Variants in NUMB observed in about 807,000 individuals in gnomAD.
NUMB encodes the protein protein numb homolog.
Under a neutral mutation model 59.7 loss-of-function variants are expected in NUMB, and 29 were observed. That is an observed-to-expected ratio of 0.49 (90% CI 0.36 to 0.66). NUMB has a LOEUF of 0.66. Ranked by LOEUF, NUMB falls within the 30% of genes least tolerant of loss-of-function variation. The pLI, the probability that NUMB is intolerant of heterozygous loss-of-function variation, is 0.00. For synonymous variants in NUMB, 288 were observed against 288.2 expected, an observed-to-expected ratio of 1.00 and a Z score of 0.01; for missense variants, 723 against 822.0, an observed-to-expected ratio of 0.88 and a Z score of 1.47.
At chr14:73,300,545 G>A (rs1358257503) in intron 6 of NUMB, among the ~76,000 whole-genome samples, 1 of 152,072 alleles carries the variant, frequency 6.6e-6, no homozygotes, top group East Asian at 1.9e-4. Context: ...TTTGAATTCT[G>A]GTTCTGCAAG....
intron 5 of NUMB, among the ~76,000 whole-genome samples, chr14:73,316,782 T>A (rs1891106723): frequency 6.6e-6 from 1 of 152,218 alleles, no homozygotes; most frequent in Admixed American, 6.5e-5. Context: ...AGATTTGCAT[T>A]TTAAATTTTA....
At chr14:73,362,744 T>C (rs1239630906) in intron 3 of NUMB, among the ~76,000 whole-genome samples, 1 of 152,164 alleles carries the variant, frequency 6.6e-6, no homozygotes, top group East Asian at 1.9e-4. Flanking sequence ...CCTATCACTC[T>C]ATTATAAATA....
chr14:73,349,606 G>A (rs1893099379), intron 4 of NUMB, among the ~76,000 whole-genome samples: 3 of 145,278 alleles, frequency 2.1e-5, no homozygotes, highest in Non-Finnish European at 4.5e-5. Flanking sequence ...GTGGCCAGGC[G>A]CGGTGGCTCA....
intron 8 of NUMB, among the ~76,000 whole-genome samples, chr14:73,289,822 T>C (rs548098018): frequency 1.4e-3 from 211 of 152,328 alleles, no homozygotes; most frequent in Middle Eastern, 3.4e-3. Flanking sequence ...TAGAATGTGT[T>C]TGCATTTGAA....
intron 3 of NUMB, among the ~76,000 whole-genome samples, chr14:73,365,271 C>A (rs540543252): frequency 6.6e-6 from 1 of 152,222 alleles, no homozygotes; most frequent in African/African-American, 2.4e-5. Flanking sequence ...GAACTCCTGG[C>A]CTCAAGTGAT....
chr14:73,286,110 G>C (rs1437878533), intron 9 of NUMB: 1 of 148,634 alleles, frequency 6.7e-6, no homozygotes, highest in Admixed American at 6.8e-5. Context: ...CTGTAACCTT[G>C]TACTCCTGGG....
intron 5 of NUMB, among the ~76,000 whole-genome samples, chr14:73,322,187 A>G (rs1359029409): frequency 1.3e-5 from 2 of 152,246 alleles, no homozygotes; most frequent in African/African-American, 4.8e-5. Flanking sequence ...AAGCTTTCAC[A>G]GCAAAGTGGG....
chr14:73,446,021 G>A (rs1883476677), intron 1 of NUMB, among the ~76,000 whole-genome samples: 2 of 149,282 alleles, frequency 1.3e-5, no homozygotes, highest in East Asian at 3.9e-4. Context: ...TTTTGAGATG[G>A]AGTCCTGCTC....
At chr14:73,439,008 C>T (rs943065890) in intron 1 of NUMB, among the ~76,000 whole-genome samples, 9 of 152,168 alleles carry the variant, frequency 5.9e-5, no homozygotes, top group African/African-American at 1.7e-4. Flanking sequence ...AAGTCCTTCA[C>T]GGTATCTTAA....
At chr14:73,281,164 G>A (rs556427238) in intron 11 of NUMB, among the ~76,000 whole-genome samples, 147 of 152,144 alleles carry the variant, frequency 9.7e-4, no homozygotes, top group Admixed American at 2.2e-3. Flanking sequence ...TCAGCAGAAT[G>A]TAACGGGTAC....
intron 1 of NUMB, among the ~76,000 whole-genome samples, chr14:73,442,950 C>T (rs1330872608): frequency 6.6e-6 from 1 of 152,124 alleles, no homozygotes; most frequent in Non-Finnish European, 1.5e-5. Context: ...GCAACCTCTA[C>T]CTCCTCGGCT....
chr14:73,372,663 A>G (rs1894768771), intron 2 of NUMB, among the ~76,000 whole-genome samples: 1 of 151,780 alleles, frequency 6.6e-6, no homozygotes, highest in South Asian at 2.1e-4. Context: ...ACACTTACTC[A>G]TTTGTTCAGT....
intron 1 of NUMB, among the ~76,000 whole-genome samples, chr14:73,444,333 A>T (rs143264652): frequency 2.5e-3 from 380 of 151,010 alleles, no homozygotes; most frequent in Middle Eastern, 0.01. Context: ...CGGGAGGCGG[A>T]AGTTGCAGTG....
At chr14:73,315,783 C>A (rs1175526202) in intron 6 of NUMB, among the ~76,000 whole-genome samples, 6 of 152,054 alleles carry the variant, frequency 3.9e-5, no homozygotes, top group Non-Finnish European at 8.8e-5. Context: ...ACAAATATTG[C>A]TAATATTTTA....
At chr14:73,387,182 T>C (rs1329808801) in intron 2 of NUMB, among the ~76,000 whole-genome samples, 1 of 152,118 alleles carries the variant, frequency 6.6e-6, no homozygotes, top group Non-Finnish European at 1.5e-5. Flanking sequence ...GCGCCCGGCC[T>C]ATCAGGTGTC....
chr14:73,419,128 A>G (rs999307868), intron 1 of NUMB, among the ~76,000 whole-genome samples: 4 of 152,236 alleles, frequency 2.6e-5, no homozygotes, highest in Non-Finnish European at 5.9e-5. Flanking sequence ...TAAAAAAAAG[A>G]AAAACAAATA....
At chr14:73,297,825 C>T (rs1357655496) in intron 6 of NUMB, 1 of 152,216 alleles carries the variant, frequency 6.6e-6, no homozygotes, top group African/African-American at 2.4e-5. Flanking sequence ...CTTCATTATT[C>T]TATTAACAGT....
intron 3 of NUMB, among the ~76,000 whole-genome samples, chr14:73,358,096 T>C (rs530227194): frequency 6.6e-6 from 1 of 151,978 alleles, no homozygotes; most frequent in Non-Finnish European, 1.5e-5. Flanking sequence ...CTTGAATTCA[T>C]CCCTCTCCCC....
chr14:73,386,597 C>G (rs1312547348), intron 2 of NUMB, among the ~76,000 whole-genome samples: 5 of 152,162 alleles, frequency 3.3e-5, no homozygotes, highest in Admixed American at 3.3e-4. Flanking sequence ...GAATAACTCT[C>G]CCTTAGGCTC....
Sources: allele counts gnomAD v4.1 joint callset (sites outside exome capture counted in the v4.1 genomes callset), GRCh38; gene constraint gnomAD v4.1.1; transcripts MANE v1.5; gene names NCBI Gene and HGNC (gene_info 2026-07-23, HGNC 2026-07-21).